Variants in NUF2 observed in about 807,000 individuals in gnomAD.
NUF2 encodes the protein NUF2 component of NDC80 kinetochore complex.
A neutral mutation model predicts 61.8 loss-of-function variants in NUF2; 34 were observed. The ratio of observed to expected loss-of-function variants is 0.55; its 90% CI spans 0.42 to 0.73. The LOEUF (loss-of-function observed/expected upper bound fraction) is 0.73. Among genes scored for constraint, NUF2 ranks in the 30% least tolerant of loss-of-function variants. NUF2 has a pLI of 0.00. For missense variants in NUF2, 445 were observed against 539.1 expected (o/e 0.83, Z 1.73); for synonymous variants, 172 against 181.6 (o/e 0.95, Z 0.42).
chr1:163,340,456 A>G, intron 9 of NUF2, 30 bp downstream of exon 9: 1 of 1,537,682 alleles, frequency 6.5e-7, no homozygotes, highest in Non-Finnish European at 9.0e-7. Flanking sequence ...ACTAGCATTT[A>G]AAGTTTGAAT....
At chr1:163,340,053 A>G (rs923841461) in intron 8 of NUF2, among the ~76,000 whole-genome samples, 2 of 152,208 alleles carry the variant, frequency 1.3e-5, no homozygotes, top group Non-Finnish European at 2.9e-5. Context: ...AGGTACATAC[A>G]TCTAATTAGG....
chr1:163,337,012 A>T (rs1650781554), intron 6 of NUF2, among the ~76,000 whole-genome samples, 164 bp downstream of exon 6: 1 of 152,096 alleles, frequency 6.6e-6, no homozygotes. Flanking sequence ...TAGTTACTGG[A>T]TAGCATATCT....
chr1:163,353,452 G>A (rs1324265631), intron 13 of NUF2, among the ~76,000 whole-genome samples: 1 of 152,184 alleles, frequency 6.6e-6, no homozygotes, highest in African/African-American at 2.4e-5. Context: ...GGCACATGTG[G>A]CTATTGAGTC....
intron 5 of NUF2, among the ~76,000 whole-genome samples, chr1:163,335,298 C>T (rs1571383030): frequency 6.6e-6 from 1 of 152,132 alleles, no homozygotes; most frequent in Non-Finnish European, 1.5e-5. Flanking sequence ...CTTGGGTTCT[C>T]TAGGCATCTT....
chr1:163,330,728 G>C (rs1650566628), intron 5 of NUF2, among the ~76,000 whole-genome samples: 1 of 152,078 alleles, frequency 6.6e-6, no homozygotes, highest in Non-Finnish European at 1.5e-5. Flanking sequence ...TATTAAGGCT[G>C]TTAAATTTCT....
In NUF2 at chr1:163,352,758, C is replaced by T. The variant is rs375845641; in HGVS notation, c.1261-2577C>T. 2.3e-3 allele frequency among the ~76,000 whole-genome samples: 349 copies of T among 152,068 alleles called. 2 individuals are homozygous for T. In the Middle Eastern group the frequency reaches 0.024, roughly 10 times the overall value. ...GCGGGCGCCTGTAGTCCCAGCTACT[C>T]AGGAAGCTGAGGCTGGAGAATGTCG... On this transcript the variant is annotated intron_variant, in intron 13 of 13. Transcript: ENST00000271452.
chr1:163,321,989 T>G lies in NUF2; in HGVS notation c.-244T>G, dbSNP rs1333207877. 1.3e-5 allele frequency: 2 copies of G among 152,260 alleles called. No individual in the cohort carries two copies. The highest frequency in any genetic ancestry group is 4.8e-5 in the African/African-American group (2 of 41,462). The allele number at this position is 152,260 out of a possible 1,614,324, so 9.4% of individuals were successfully genotyped here. A position where few individuals can be genotyped will look rare whatever the true frequency, so the allele number is the denominator to read the frequency against. On this transcript the variant is annotated 5_prime_UTR_variant, in exon 1 of 14. Coordinates refer to ENST00000271452, the MANE Select transcript of NUF2 (RefSeq NM_145697.3). ...GGCAAGTTTGAAAAGTGATGACGGT[T>G]GACGTTTGCTGATTTTTGACTTTGC...
intron 9 of NUF2, among the ~76,000 whole-genome samples, chr1:163,340,871 T>C (rs1474540000): frequency 2.0e-5 from 3 of 152,210 alleles, no homozygotes; most frequent in African/African-American, 7.2e-5. Context: ...CCCCTTCTGA[T>C]AGACTTTTAC....
At chr1:163,326,303 G>A (rs530588873) in intron 2 of NUF2, 129 bp downstream of exon 2, 3 of 722,504 alleles carry the variant, frequency 4.2e-6, no homozygotes, top group East Asian at 5.4e-5. Context: ...CATTGAGAGA[G>A]AATCTCTCAC....
chr1:163,326,391 A>G (rs1014755718), intron 2 of NUF2, among the ~76,000 whole-genome samples: 2 of 127,774 alleles, frequency 1.6e-5, no homozygotes, highest in African/African-American at 2.7e-5. Context: ...ATTCTTTAAT[A>G]TAGTCGTTTT....
chr1:163,339,048 G>A (rs1650854542), intron 7 of NUF2, among the ~76,000 whole-genome samples: 3 of 152,104 alleles, frequency 2.0e-5, no homozygotes, highest in Non-Finnish European at 4.4e-5. Context: ...TAAGAGTTGT[G>A]AGGCAATGAT....
intron 2 of NUF2, among the ~76,000 whole-genome samples, chr1:163,327,265 T>A (rs1017664991): frequency 6.6e-6 from 1 of 152,140 alleles, no homozygotes; most frequent in African/African-American, 2.4e-5. Context: ...CTTGCTCTCA[T>A]TCTTAAACAG....
chr1:163,335,929 G>T (rs1650743368), intron 5 of NUF2, among the ~76,000 whole-genome samples: 1 of 151,902 alleles, frequency 6.6e-6, no homozygotes, highest in African/African-American at 2.4e-5. Context: ...GCTTAATTCA[G>T]ATCTTTTTTA....
intron 5 of NUF2, among the ~76,000 whole-genome samples, chr1:163,334,547 G>A (rs544391440): frequency 1.8e-4 from 28 of 152,152 alleles, no homozygotes; most frequent in Non-Finnish European, 1.2e-4. Flanking sequence ...AGGCCAAGGT[G>A]AGAGAATTGC....
intron 13 of NUF2, among the ~76,000 whole-genome samples, chr1:163,349,812 A>T (rs1251673400): frequency 1.3e-5 from 2 of 152,172 alleles, no homozygotes; most frequent in African/African-American, 4.8e-5. Flanking sequence ...TAGTGGAGTG[A>T]GGAAAGGAAG....
intron 13 of NUF2, among the ~76,000 whole-genome samples, chr1:163,352,747 T>G (rs561944128): frequency 6.6e-6 from 1 of 152,182 alleles, no homozygotes; most frequent in East Asian, 1.9e-4. Flanking sequence ...GCGCCTGTAG[T>G]CCCAGCTACT....
chr1:163,326,242 G>A (rs770230716), intron 2 of NUF2, 68 bp downstream of exon 2: 465 of 1,496,920 alleles, frequency 3.1e-4, no homozygotes, highest in Non-Finnish European at 3.8e-4. Flanking sequence ...TAGGTCTATT[G>A]TGTGGCAAGA....
In NUF2 at chr1:163,355,596, A is replaced by C; in HGVS notation, c.*127A>C. The stretch of plus-strand genomic sequence containing the variant: ...ATGTTGGCTTCATCAGTTTTTATAC[A>C]CTCTCATAAGTAGTTAATAAGATGA... On this transcript the variant is annotated 3_prime_UTR_variant, in exon 14 of 14. Transcript: ENST00000271452. 1.5e-6 allele frequency: 1 copy of C among 658,816 alleles called. No homozygotes were observed. Among genetic ancestry groups the C allele is most frequent in the South Asian group, 2.6e-5 (1 of 39,106 alleles). 40.8% of individuals were successfully genotyped at this position (658,816 alleles called of 1,614,324 possible).
chr1:163,326,577 A>C (rs1014289679), intron 2 of NUF2, among the ~76,000 whole-genome samples: 3 of 152,136 alleles, frequency 2.0e-5, no homozygotes, highest in Admixed American at 2.0e-4. Flanking sequence ...CCTACAGATT[A>C]ATTTTCATGC....
Sources: allele counts gnomAD v4.1 joint callset (sites outside exome capture counted in the v4.1 genomes callset), GRCh38; gene constraint gnomAD v4.1.1; transcripts MANE v1.5; gene names NCBI Gene and HGNC (gene_info 2026-07-23, HGNC 2026-07-21).